NAT1: variants seen among roughly 807,000 people sequenced by gnomAD.
NAT1 encodes N-acetyltransferase 1.
For missense variants in NAT1, 400 were observed against 339.2 expected, an observed-to-expected ratio of 1.18 and a Z score of -1.41; for synonymous variants, 144 against 122.6, an observed-to-expected ratio of 1.17 and a Z score of -1.16.
chr8:18,176,745 TA>T (rs1157691088), intron 2 of NAT1, among the ~76,000 whole-genome samples: 1 of 152,050 alleles, frequency 6.6e-6, no homozygotes, highest in African/African-American at 2.4e-5. Flanking sequence ...TTTCTATTTT[TA>T]TAAAAAAATA....
intron 2 of NAT1, among the ~76,000 whole-genome samples, chr8:18,180,312 A>C (rs990781075): frequency 6.6e-6 from 1 of 152,162 alleles, no homozygotes; most frequent in African/African-American, 2.4e-5. Context: ...GGGGGATGCT[A>C]TTTGACTAGG....
At chr8:18,183,154 G>A (rs1437664063) in intron 2 of NAT1, among the ~76,000 whole-genome samples, 1 of 152,124 alleles carries the variant, frequency 6.6e-6, no homozygotes, top group African/African-American at 2.4e-5. Flanking sequence ...CTCCTCATGT[G>A]GTGGAAGGTG....
chr8:18,204,746 G>A (rs1803635842), intron 2 of NAT1, among the ~76,000 whole-genome samples: 2 of 152,108 alleles, frequency 1.3e-5, no homozygotes, highest in African/African-American at 4.8e-5. Flanking sequence ...AAAACTAATA[G>A]CCATAAGAGA....
At chr8:18,217,341 A>G (rs1804785231) in intron 1 of NAT1, among the ~76,000 whole-genome samples, 1 of 152,240 alleles carries the variant, frequency 6.6e-6, no homozygotes, top group Admixed American at 6.5e-5. Context: ...ATATGCCCCA[A>G]ATACTTAACT....
At chr8:18,181,084 C>A (rs1428173775) in intron 2 of NAT1, among the ~76,000 whole-genome samples, 1 of 151,824 alleles carries the variant, frequency 6.6e-6, no homozygotes, top group East Asian at 1.9e-4. Flanking sequence ...TCTGTACTTA[C>A]TTTGAGTAGT....
In NAT1 at chr8:18,214,109, G is replaced by A. The variant is rs11984587; in HGVS notation, c.-86+3929G>A. Among the ~76,000 whole-genome samples, 1,441 of 152,224 alleles carry A rather than the reference G, an allele frequency of 9.5e-3. 24 individuals are homozygous for A. Among genetic ancestry groups the A allele is most frequent in the African/African-American group, 0.03 (1,232 of 41,532 alleles). ...ATTACAGGCATGAGCAACCGTGCCC[G>A]GCCCTAACGTCATATTTCTATCTCC... On this transcript the variant is annotated intron_variant, in intron 1 of 2. Transcript: ENST00000307719.
At chr8:18,215,975 A>C (rs1424787300) in intron 1 of NAT1, among the ~76,000 whole-genome samples, 4 of 152,194 alleles carry the variant, frequency 2.6e-5, no homozygotes, top group African/African-American at 9.7e-5. Context: ...TTAAAGGGGA[A>C]AGGATGGGAT....
chr8:18,212,032 T>C (rs1050097771), intron 1 of NAT1, among the ~76,000 whole-genome samples: 6 of 152,298 alleles, frequency 3.9e-5, no homozygotes, highest in Middle Eastern at 3.4e-3. Context: ...TTTTAATTCT[T>C]CTATGTTGGG....
chr8:18,176,649 G>C (rs1043030483), intron 2 of NAT1, among the ~76,000 whole-genome samples: 1 of 151,452 alleles, frequency 6.6e-6, no homozygotes, highest in African/African-American at 2.4e-5. Context: ...ATCAGGAAAT[G>C]TGATGCCTTC....
At chr8:18,220,416 T>A (rs1330442715) in intron 2 of NAT1, among the ~76,000 whole-genome samples, 2 of 152,110 alleles carry the variant, frequency 1.3e-5, no homozygotes, top group Non-Finnish European at 2.9e-5. Context: ...TTGTACAAGG[T>A]CATCCTCAGG....
Position 18,216,852 on chromosome 8 carries a change from G to T in NAT1, c.-85-2559G>T, listed in dbSNP as rs1464076785. The T allele has an allele frequency of 6.3e-6, 9 of 1,431,780 alleles. No individual in the cohort carries two copies. The East Asian group carries it at 1.0e-4, about 16-fold the overall frequency. 88.7% of individuals were successfully genotyped at this position (1,431,780 alleles called of 1,614,324 possible). On this transcript the variant is annotated intron_variant, in intron 1 of 2. Transcript: ENST00000307719. ...AAAAATGGTAAGGGGGAACTCATAAGAACTCATAATTATTTCTTCAACAGA... is the reference window on the plus strand; with the variant it reads ...AAAAATGGTAAGGGGGAACTCATAATAACTCATAATTATTTCTTCAACAGA...
intron 2 of NAT1, among the ~76,000 whole-genome samples, chr8:18,188,721 G>C (rs1277056073): frequency 6.6e-6 from 1 of 151,656 alleles, no homozygotes; most frequent in East Asian, 1.9e-4. Context: ...CATCAGGCCG[G>C]GCGTGGTGGC....
In NAT1 at chr8:18,222,516, G is replaced by T. The variant is rs752556604; in HGVS notation, c.469G>T (p.Gly157Ter). 36 of 1,614,110 alleles carry T rather than the reference G, an allele frequency of 2.2e-5. No individual in the cohort carries two copies. Among genetic ancestry groups the T allele is most frequent in the Non-Finnish European group, 3.0e-5 (35 of 1,180,016 alleles). ...TGTCTTCCGTTTGACGGAAGAGAAT[G>T]GATTCTGGTATCTAGACCAAATCAG... The part of the protein sequence containing the change: ...PCVFRLTEEN[G>*]FWYLDQIRRE... Residue 157 changes from glycine to a stop codon, truncating the protein, a stop_gained, in exon 3 of 3, where the codon GGA (glycine) becomes TGA (stop). Transcript: ENST00000307719. LOFTEE classifies it low-confidence loss of function (END_TRUNC).
At chr8:18,180,964 T>C (rs1249044854) in intron 2 of NAT1, among the ~76,000 whole-genome samples, 2 of 152,150 alleles carry the variant, frequency 1.3e-5, no homozygotes, top group East Asian at 3.9e-4. Flanking sequence ...TTCTTTTTGG[T>C]CTGGATTGCT....
At chr8:18,173,339 AT>A in intron 2 of NAT1, among the ~76,000 whole-genome samples, 1 of 152,292 alleles carries the variant, frequency 6.6e-6, no homozygotes, top group African/African-American at 2.4e-5. Context: ...CATTCTTGCC[AT>A]CTGTCTTCTA....
chr8:18,212,134 A>G (rs543629281), intron 1 of NAT1: 3 of 152,320 alleles, frequency 2.0e-5, no homozygotes, highest in African/African-American at 7.2e-5. Flanking sequence ...ACACACATCG[A>G]TTCTAGAGAC....
At chr8:18,175,402 C>G (rs181454577) in intron 2 of NAT1, among the ~76,000 whole-genome samples, 1 of 151,998 alleles carries the variant, frequency 6.6e-6, no homozygotes, top group Non-Finnish European at 1.5e-5. Flanking sequence ...GGTAATCCCT[C>G]TATACTTTTT....
rs55636901 is a variant in NAT1 at position 18,188,994 on chromosome 8, C to CAAAAAAAA, written n.92+18266_92+18273dup. Among the ~76,000 whole-genome samples the CAAAAAAAA allele has an allele frequency of 8.5e-3, 709 of 82,960 alleles. 30 individuals are homozygous for CAAAAAAAA. Among genetic ancestry groups the CAAAAAAAA allele is most frequent in the Non-Finnish European group, 0.014 (576 of 42,026 alleles). 54.4% of individuals were successfully genotyped at this position (82,960 alleles called of 152,430 possible). ...TGGGTGACAGAGAGAGACTCCGACT[C>CAAAAAAAA]AAAAAAAAAAAAAAAAAAGAAAGAA... On this transcript the variant is annotated intron_variant and non_coding_transcript_variant, in intron 2 of 4. Coordinates refer to the NAT1 transcript ENST00000517441.
intron 1 of NAT1, among the ~76,000 whole-genome samples, chr8:18,217,463 G>T (rs772819304): frequency 4.6e-5 from 7 of 152,222 alleles, no homozygotes; most frequent in Non-Finnish European, 8.8e-5. Context: ...AAAGGAGAAG[G>T]TCATCCACAT....
Sources: gnomAD v4.1 joint callset for allele counts (sites outside exome capture counted in the v4.1 genomes callset) on GRCh38, gnomAD v4.1.1 for gene constraint, MANE v1.5 for transcripts, NCBI Gene and HGNC (gene_info 2026-07-23, HGNC 2026-07-21) for gene names.